The following ZAN variants were observed in gnomAD, a reference collection of about 807,000 sequenced individuals.
The protein encoded by ZAN is zonadhesin, also known as zonadhesin (gene/pseudogene).
A neutral mutation model predicts 286.2 loss-of-function variants in ZAN; 260 were observed. The ratio of observed to expected loss-of-function variants is 0.91; its 90% CI spans 0.82 to 1.01. The LOEUF is 1.01. ZAN is among the 50% of genes least tolerant of loss of function. The probability of loss-of-function intolerance (pLI) is 0.00; values close to 1 mark genes in which losing one functional copy is unlikely to be tolerated. For missense variants in ZAN, 3,410 were observed against 3,639.2 expected, an observed-to-expected ratio of 0.94 and a Z score of 1.62; for synonymous variants, 1,368 against 1,417.5, an observed-to-expected ratio of 0.97 and a Z score of 0.79.
intron 14 of ZAN, among the ~76,000 whole-genome samples, chr7:100,753,507 C>G (rs532372380): frequency 6.6e-6 from 1 of 151,992 alleles, no homozygotes; most frequent in African/African-American, 2.4e-5. Flanking sequence ...ATCCATATTT[C>G]ATAAAATTCA....
At chr7:100,778,648 G>C (rs1810977410) in intron 34 of ZAN, among the ~76,000 whole-genome samples, 1 of 151,962 alleles carries the variant, frequency 6.6e-6, no homozygotes, top group African/African-American at 2.4e-5. Flanking sequence ...AGATTGGCCA[G>C]AGCTCAGACC....
At chr7:100,756,578 T>C (rs1211661069) in intron 15 of ZAN, among the ~76,000 whole-genome samples, 1 of 152,132 alleles carries the variant, frequency 6.6e-6, no homozygotes, top group Admixed American at 6.6e-5. Flanking sequence ...ACCAGTCTCC[T>C]GGGTCTCTCT....
intron 7 of ZAN, among the ~76,000 whole-genome samples, chr7:100,739,812 C>T (rs554714311): frequency 1.4e-5 from 2 of 139,368 alleles, no homozygotes; most frequent in Non-Finnish European, 3.2e-5. Context: ...TGTACACCAC[C>T]ACGCCCAGCT....
At chr7:100,778,963 G>A (rs116998398) in intron 34 of ZAN, among the ~76,000 whole-genome samples, 1,917 of 150,914 alleles carry the variant, frequency 0.013, 85 homozygotes, top group South Asian at 0.12. Context: ...AACCTGAGAC[G>A]TAGAGGTTGC....
At chr7:100,769,832 C>A (rs1166992956) in intron 27 of ZAN, 48 bp from the exon 28 acceptor site, 1 of 1,515,146 alleles carries the variant, frequency 6.6e-7, no homozygotes, top group South Asian at 1.2e-5. Context: ...TAGGCATGAG[C>A]CACTGCACCC....
At chr7:100,743,231 G>A (rs532714427) in intron 7 of ZAN, among the ~76,000 whole-genome samples, 2 of 152,000 alleles carry the variant, frequency 1.3e-5, no homozygotes, top group South Asian at 4.2e-4. Context: ...CACCATGTTG[G>A]TCAGGGTGGT....
intron 40 of ZAN, 110 bp from the exon 41 acceptor site, chr7:100,791,856 T>C: frequency 7.6e-7 from 1 of 1,319,202 alleles, no homozygotes. Context: ...GCCTCCCGGG[T>C]AGCTGGGACT....
rs773192168 is a variant in ZAN, at chr7:100,752,219, T to C, written c.2114T>C (p.Ile705Thr). 6.2e-7 allele frequency: 1 copy of C among 1,605,960 alleles called. No homozygotes were observed. The change falls in exon 14 of 48, where the codon ATC (isoleucine) becomes ACC (threonine). Residue 705 changes from isoleucine (I) to threonine (T), a missense_variant. Physicochemically the swap from Ile to Thr is moderately conservative, Grantham distance 89. Transcript: ENST00000613979. ...ACCATCTCCATGGAAGAGACTATCATCTCCACAGAAAAACCCACCATCTCC... is the reference window on the plus strand; with the variant it reads ...ACCATCTCCATGGAAGAGACTATCACCTCCACAGAAAAACCCACCATCTCC... ...KPTISMEETI[I>T]STEKPTISPE...
chr7:100,736,839 G>C lies in ZAN; in HGVS notation c.284G>C (p.Ser95Thr). The C allele has an allele frequency of 1.3e-6, 2 of 1,482,012 alleles. 1 individual carries two copies. Among genetic ancestry groups the C allele is most frequent in the Non-Finnish European group, 1.8e-6 (2 of 1,086,910 alleles). 91.8% of individuals were successfully genotyped at this position (1,482,012 alleles called of 1,614,324 possible). ...AGCTATCTGCATATGGAATCGAACA[G>C]CTTCCACCGTGGGGGAGTGGCCCGC... ...EGSYLHMESN[S>T]FHRGGVARLL... The change falls in exon 5 of 48, where the codon AGC becomes ACC. Residue 95 changes from serine to threonine, a missense_variant. Physicochemically the swap from Ser to Thr is moderately conservative, Grantham distance 58. This residue lies in a region of ZAN where 872 missense variants were observed against 938.9 expected (regional missense o/e 0.93). Transcript: ENST00000613979.
Position 100,750,867 on chromosome 7 carries a change from G to A in ZAN, c.1492G>A (p.Val498Ile), listed in dbSNP as rs1301080537. The change falls in exon 12 of 48, where the codon GTC (valine) becomes ATC (isoleucine). Residue 498 changes from valine (V) to isoleucine (I), a missense_variant. Coordinates refer to ENST00000613979, the MANE Select transcript of ZAN (RefSeq NM_003386.3). Reference protein sequence around the residue: ...RPYWQNTSVTVPSGHQQPMQL... With the variant: ...RPYWQNTSVTIPSGHQQPMQL... ...TTACTGGCAGAACACCTCCGTCACCGTCCCCTCAGGACACCAACAGCCCAT... is the reference window on the plus strand; with the variant it reads ...TTACTGGCAGAACACCTCCGTCACCATCCCCTCAGGACACCAACAGCCCAT... 20 of 1,566,394 alleles carry A rather than the reference G, an allele frequency of 1.3e-5. No individual in the cohort carries two copies. Among genetic ancestry groups the A allele is most frequent in the Middle Eastern group, 3.4e-4 (2 of 5,804 alleles).
chr7:100,759,626 C>G, intron 17 of ZAN, 95 bp from the exon 18 acceptor site: 8 of 1,334,744 alleles, frequency 6.0e-6, no homozygotes, highest in Middle Eastern at 2.0e-4. Flanking sequence ...CTCGGTGGCG[C>G]TCATCTCTCC....
At position 100,797,607 on chromosome 7, in the gene ZAN, C is replaced by A. The variant is rs1034192349; in HGVS notation, c.8397C>A (p.Ala2799=). Residue 2799 remains alanine (A), a synonymous_variant, in exon 47 of 48, where the codon GCC becomes GCA. Coordinates refer to ENST00000613979, the MANE Select transcript of ZAN (RefSeq NM_003386.3). ...REKTQEGDRL[A]RLVDTDTVLD... ...AAACGCAGGAGGGAGACAGACTGGC[C>A]AGGCTGGTGGACACAGGTGAGAACC... The A allele has an allele frequency of 1.9e-6, 3 of 1,613,804 alleles. No homozygotes were observed. The African/African-American group carries it at 4.0e-5, about 22-fold the overall frequency.
rs569641208 is a variant in ZAN at position 100,760,333 on chromosome 7, C to G, written c.3697-58C>G. 6.3e-5 allele frequency: 100 copies of G among 1,591,324 alleles called. No individual in the cohort carries two copies. The East Asian group carries it at 2.2e-3, about 35-fold the overall frequency. On this transcript the variant is annotated intron_variant, in intron 18 of 47. Transcript: ENST00000613979. ...TCCCAGCTATGGAAATGAAAGTCTG[C>G]TGGGGTCCTCCTTGACCCCCAGCTC...
intron 35 of ZAN, among the ~76,000 whole-genome samples, chr7:100,780,077 C>T (rs1331955498): frequency 6.6e-6 from 1 of 151,824 alleles, no homozygotes; most frequent in African/African-American, 2.4e-5. Flanking sequence ...CCTGTAATCC[C>T]AGCTACTCGG....
At chr7:100,757,488 C>T (rs1161246339) in intron 15 of ZAN, among the ~76,000 whole-genome samples, 1 of 152,116 alleles carries the variant, frequency 6.6e-6, no homozygotes, top group Non-Finnish European at 1.5e-5. Flanking sequence ...GGTGCAGTGG[C>T]TCATGCCTGT....
intron 39 of ZAN, among the ~76,000 whole-genome samples, chr7:100,790,418 C>T (rs1202244268): frequency 2.6e-5 from 4 of 151,214 alleles, no homozygotes; most frequent in Non-Finnish European, 4.4e-5. Context: ...AAAAATTAGC[C>T]AGGTGTGTTG....
At position 100,751,217 on chromosome 7, in the gene ZAN, C is replaced by T. The variant is rs772722212; in HGVS notation, c.1557C>T (p.Ala519=). ...IFKGIQGSNT[A]SVVAMGFILI... is the part of the protein sequence containing the mutation. The stretch of plus-strand genomic sequence containing the variant: ...AGGGCATCCAGGGAAGCAACACGGC[C>T]TCTGTGGTTGCTATGGGTTTCATCT... The change falls in exon 13 of 48, where the codon GCC becomes GCT. Residue 519 remains alanine (A), a synonymous_variant. Coordinates refer to ENST00000613979, the MANE Select transcript of ZAN (RefSeq NM_003386.3). The T allele has an allele frequency of 2.5e-6, 4 of 1,610,136 alleles. No homozygotes were observed. The highest frequency in any genetic ancestry group is 2.2e-5 in the South Asian group (2 of 90,416).
chr7:100,747,443 T>C, intron 8 of ZAN, 107 bp from the exon 9 acceptor site: 1 of 830,880 alleles, frequency 1.2e-6, no homozygotes, highest in South Asian at 1.5e-5. Flanking sequence ...CATTTGGTGG[T>C]AATCGTCCCC....
In ZAN at chr7:100,748,403, CTG is replaced by C. The variant is rs573810175; in HGVS notation, c.1183_1184del (p.Trp395GlyfsTer5). The C allele has an allele frequency of 1.9e-4, 310 of 1,614,034 alleles. 6 individuals are homozygous for C. The East Asian group carries it at 6.8e-3, about 36-fold the overall frequency. ...WVQTSGDGGHWALGHKNGPVH... is the reference protein window; with the variant it reads ...WVQTSGDGGHXALGHKNGPVH... ...TCCAGACTTCCGGGGATGGTGGACA[CTG>C]GGCCCTCGGACATAAAAATGGACCC... On this transcript the variant is annotated frameshift_variant, in exon 11 of 48. Transcript: ENST00000613979. LOFTEE classifies it high-confidence loss of function.
Sources: allele counts gnomAD v4.1 joint callset (sites outside exome capture counted in the v4.1 genomes callset), GRCh38; gene constraint gnomAD v4.1.1; regional missense constraint gnomAD v4.1.1; transcripts MANE v1.5; gene names NCBI Gene and HGNC (gene_info 2026-07-23, HGNC 2026-07-21).